SLC9A9: variants seen among roughly 807,000 people sequenced by gnomAD.
SLC9A9 encodes solute carrier family 9 member A9.
In SLC9A9, 62 loss-of-function variants were observed where a neutral mutation model predicts 77.8. The observed-to-expected ratio is 0.80, with a 90% CI of 0.65 to 0.98. The LOEUF (loss-of-function observed/expected upper bound fraction) is 0.98. SLC9A9 is among the 50% of genes least tolerant of loss of function. The pLI is 0.00. For synonymous variants in SLC9A9, 320 were observed against 283.5 expected (o/e 1.13, Z -1.29); for missense variants, 775 against 774.9 (o/e 1.00, Z 0.00).
chr3:143,426,505 T>A (rs2034411016), intron 12 of SLC9A9, among the ~76,000 whole-genome samples: 1 of 152,216 alleles, frequency 6.6e-6, no homozygotes, highest in Admixed American at 6.5e-5. Context: ...CTGGAAAATG[T>A]AGTAGCAATT....
At chr3:143,621,418 T>A (rs544271212) in intron 6 of SLC9A9, among the ~76,000 whole-genome samples, 1 of 152,270 alleles carries the variant, frequency 6.6e-6, no homozygotes, top group South Asian at 2.1e-4. Context: ...GAGACAAAAC[T>A]TCCAGAGGAA....
chr3:143,285,097 CTATAT>C (rs1394666279), intron 14 of SLC9A9, among the ~76,000 whole-genome samples: 2 of 152,110 alleles, frequency 1.3e-5, no homozygotes, highest in African/African-American at 2.4e-5. Flanking sequence ...CAAAACTATA[CTATAT>C]ATTTTTAAAT....
At chr3:143,719,713 A>G (rs916787649) in intron 4 of SLC9A9, among the ~76,000 whole-genome samples, 3 of 152,240 alleles carry the variant, frequency 2.0e-5, no homozygotes, top group Admixed American at 2.0e-4. Flanking sequence ...AAAAGAAGCC[A>G]TACTGCTATA....
chr3:143,817,427 C>T (rs1006057580), intron 2 of SLC9A9, among the ~76,000 whole-genome samples: 4 of 151,534 alleles, frequency 2.6e-5, no homozygotes, highest in Admixed American at 6.6e-5. Flanking sequence ...GGATTACAGG[C>T]GTGAGCCACC....
At chr3:143,838,040 G>A (rs74915974) in intron 1 of SLC9A9, among the ~76,000 whole-genome samples, 2,678 of 49,010 alleles carry the variant, frequency 0.055, 73 homozygotes, top group East Asian at 0.17. Context: ...AGTTATGGGA[G>A]ATAATAAATG....
intron 12 of SLC9A9, among the ~76,000 whole-genome samples, chr3:143,459,572 CT>C (rs2035153498): frequency 6.6e-6 from 1 of 152,062 alleles, no homozygotes; most frequent in Non-Finnish European, 1.5e-5. Context: ...GGGTAATGTT[CT>C]GACTTATAGT....
At chr3:143,804,829 C>T (rs572844858) in intron 2 of SLC9A9, among the ~76,000 whole-genome samples, 297 of 152,290 alleles carry the variant, frequency 2.0e-3, no homozygotes, top group African/African-American at 6.7e-3. Flanking sequence ...CACGACCTTC[C>T]GTAGCCTGTC....
chr3:143,612,172 C>G (rs957510214), intron 6 of SLC9A9, among the ~76,000 whole-genome samples: 1 of 152,222 alleles, frequency 6.6e-6, no homozygotes, highest in African/African-American at 2.4e-5. Flanking sequence ...TGACCCTATT[C>G]ACCTGCACAG....
chr3:143,733,517 G>A (rs976310685), intron 4 of SLC9A9, among the ~76,000 whole-genome samples: 3 of 152,000 alleles, frequency 2.0e-5, no homozygotes, highest in African/African-American at 4.8e-5. Flanking sequence ...CCCAGCAAGG[G>A]AGCCCACCTC....
At chr3:143,534,037 C>T (rs945322284) in intron 9 of SLC9A9, among the ~76,000 whole-genome samples, 1 of 152,186 alleles carries the variant, frequency 6.6e-6, no homozygotes, top group South Asian at 2.1e-4. Flanking sequence ...AATCACCTTG[C>T]CCATATTTCA....
chr3:143,813,719 A>G (rs191056468), intron 2 of SLC9A9, among the ~76,000 whole-genome samples: 41 of 152,286 alleles, frequency 2.7e-4, no homozygotes, highest in African/African-American at 8.9e-4. Context: ...TCCTGTATCT[A>G]TTTATCCGCT....
intron 14 of SLC9A9, among the ~76,000 whole-genome samples, chr3:143,331,509 G>A (rs538007082): frequency 2.0e-5 from 3 of 152,246 alleles, no homozygotes; most frequent in African/African-American, 4.8e-5. Flanking sequence ...TGTGGGGAGC[G>A]GTCTCTCCAG....
chr3:143,555,947 G>A (rs1477753265), intron 8 of SLC9A9, among the ~76,000 whole-genome samples: 1 of 152,170 alleles, frequency 6.6e-6, no homozygotes, highest in Non-Finnish European at 1.5e-5. Context: ...CTTAGTATTA[G>A]CATACACAAT....
At chr3:143,317,948 C>T (rs188829415) in intron 14 of SLC9A9, among the ~76,000 whole-genome samples, 7 of 152,222 alleles carry the variant, frequency 4.6e-5, no homozygotes, top group East Asian at 1.9e-4. Flanking sequence ...AGGATGGTCT[C>T]GATCTCCTGA....
At chr3:143,812,848 G>A (rs1361346684) in intron 2 of SLC9A9, among the ~76,000 whole-genome samples, 1 of 152,202 alleles carries the variant, frequency 6.6e-6, no homozygotes, top group African/African-American at 2.4e-5. Context: ...AGCCACACTG[G>A]ATTGAGACAT....
intron 6 of SLC9A9, among the ~76,000 whole-genome samples, chr3:143,645,751 A>T (rs557047460): frequency 6.6e-6 from 1 of 152,302 alleles, no homozygotes; most frequent in East Asian, 1.9e-4. Flanking sequence ...TCATTTAAAA[A>T]GACAAAATTG....
chr3:143,415,472 C>A (rs1576481919), intron 12 of SLC9A9, among the ~76,000 whole-genome samples: 3 of 152,102 alleles, frequency 2.0e-5, no homozygotes, highest in African/African-American at 7.2e-5. Flanking sequence ...AATCCTAGGG[C>A]CATTAAGAGT....
chr3:143,279,021 A>G (rs977318460), intron 14 of SLC9A9, among the ~76,000 whole-genome samples: 4 of 149,984 alleles, frequency 2.7e-5, no homozygotes, highest in Non-Finnish European at 4.4e-5. Flanking sequence ...TGGGCACATA[A>G]TAAGCATTCT....
At chr3:143,506,780 C>T (rs1410356143) in intron 9 of SLC9A9, among the ~76,000 whole-genome samples, 1 of 151,486 alleles carries the variant, frequency 6.6e-6, no homozygotes, top group African/African-American at 2.4e-5. Context: ...TAGTACTGGT[C>T]CTTTGAAAAA....
Sources: allele counts gnomAD v4.1 joint callset (sites outside exome capture counted in the v4.1 genomes callset), GRCh38; gene constraint gnomAD v4.1.1; transcripts MANE v1.5; gene names NCBI Gene and HGNC (gene_info 2026-07-23, HGNC 2026-07-21).